The following LRP1B variants were observed in gnomAD, a reference collection of about 807,000 sequenced individuals.
LRP1B encodes the protein LDL receptor related protein 1B, also known as low-density lipoprotein receptor-related protein 1B.
LRP1B carries 217 observed loss-of-function variants against 556.6 expected under a neutral mutation model. That is an observed-to-expected ratio of 0.39 (90% CI 0.35 to 0.44). The LOEUF (loss-of-function observed/expected upper bound fraction) is 0.44, where lower values mean the gene tolerates loss of function less well. Ranked by LOEUF, LRP1B falls within the 20% of genes least tolerant of loss-of-function variation. The pLI is 1.00. For synonymous variants in LRP1B, 2,047 were observed against 1,865.8 expected (o/e 1.10, Z -2.50); for missense variants, 5,053 against 5,620.8 (o/e 0.90, Z 3.23).
intron 2 of LRP1B, among the ~76,000 whole-genome samples, chr2:141,727,145 GA>G (rs1693070495): frequency 6.6e-6 from 1 of 152,050 alleles, no homozygotes; most frequent in South Asian, 2.1e-4. Context: ...AAGAGATCTT[GA>G]GGGGAAAAAA....
chr2:140,864,374 A>T (rs1272165838), intron 27 of LRP1B, among the ~76,000 whole-genome samples: 1 of 152,122 alleles, frequency 6.6e-6, no homozygotes, highest in Non-Finnish European at 1.5e-5. Context: ...GTTAACTATG[A>T]ATGTAGAGGA....
chr2:142,001,632 T>C (rs1251270198), intron 1 of LRP1B, among the ~76,000 whole-genome samples: 1 of 152,198 alleles, frequency 6.6e-6, no homozygotes, highest in Non-Finnish European at 1.5e-5. Context: ...CAAAGTTCAT[T>C]GGAGACATAC....
At chr2:141,810,627 G>A (rs1696325242) in intron 1 of LRP1B, among the ~76,000 whole-genome samples, 1 of 151,998 alleles carries the variant, frequency 6.6e-6, no homozygotes, top group African/African-American at 2.4e-5. Flanking sequence ...CACACTATCT[G>A]TTCTGGAAAT....
chr2:141,058,788 A>C (rs1416117863), intron 9 of LRP1B, 95 bp downstream of exon 9: 4 of 983,968 alleles, frequency 4.1e-6, no homozygotes, highest in Non-Finnish European at 2.8e-6. Context: ...CAGAGAATTT[A>C]TGACTCACTC....
chr2:141,301,210 A>T (rs1686380160), intron 3 of LRP1B, among the ~76,000 whole-genome samples: 1 of 152,180 alleles, frequency 6.6e-6, no homozygotes, highest in Admixed American at 6.5e-5. Flanking sequence ...ACTTCCCAGA[A>T]ATTCTAACAT....
At chr2:141,356,035 T>C (rs1688616354) in intron 3 of LRP1B, among the ~76,000 whole-genome samples, 1 of 152,156 alleles carries the variant, frequency 6.6e-6, no homozygotes, top group African/African-American at 2.4e-5. Flanking sequence ...CCAACCTCTC[T>C]TATAGTAGAA....
intron 41 of LRP1B, among the ~76,000 whole-genome samples, chr2:140,612,158 A>G (rs1683094653): frequency 6.6e-6 from 1 of 152,148 alleles, no homozygotes; most frequent in Non-Finnish European, 1.5e-5. Flanking sequence ...ATACTAGAAG[A>G]AAAAGTCATT....
intron 43 of LRP1B, among the ~76,000 whole-genome samples, chr2:140,583,590 C>T (rs1286459613): frequency 6.6e-6 from 1 of 151,860 alleles, no homozygotes; most frequent in Non-Finnish European, 1.5e-5. Flanking sequence ...CATAATTATG[C>T]AATAATTAAG....
Position 140,356,460 on chromosome 2 carries a change from G to T in LRP1B, c.11412C>A (p.Thr3804=), listed in dbSNP as rs2105130491. ...QGCRIAPTEY[T]CEDNVNPCGD... ...CACATGGATTCACATTATCTTCACAGGTATATTCAGTAGGAGCTGGGATTT... is the reference window on the plus strand; with the variant it reads ...CACATGGATTCACATTATCTTCACATGTATATTCAGTAGGAGCTGGGATTT... The change falls in exon 75 of 91, where the codon ACC becomes ACA. Residue 3804 remains threonine (T), a synonymous_variant. Coordinates refer to ENST00000389484, the MANE Select transcript of LRP1B (RefSeq NM_018557.3). The T allele has an allele frequency of 1.2e-6, 2 of 1,603,680 alleles. No homozygotes were observed. Among genetic ancestry groups the T allele is most frequent in the Non-Finnish European group, 1.7e-6 (2 of 1,172,500 alleles).
At chr2:140,329,888 AAAAAC>A (rs1680705477) in intron 79 of LRP1B, among the ~76,000 whole-genome samples, 1 of 147,876 alleles carries the variant, frequency 6.8e-6, no homozygotes, top group African/African-American at 2.5e-5. Context: ...AATTAGAAAA[AAAAAC>A]AAAAACAAAA....
At chr2:140,867,957 C>T (rs1219878261) in intron 26 of LRP1B, 123 bp from the exon 27 acceptor site, 3 of 1,292,372 alleles carry the variant, frequency 2.3e-6, no homozygotes, top group East Asian at 5.1e-5. Flanking sequence ...GGGTCTGTAT[C>T]TGATTTGGGG....
At chr2:141,146,179 C>T (rs1197807448) in intron 7 of LRP1B, among the ~76,000 whole-genome samples, 1 of 152,086 alleles carries the variant, frequency 6.6e-6, no homozygotes. Context: ...CTCATCTCAG[C>T]TCCCAAAGTG....
At chr2:141,444,331 G>A (rs1681097255) in intron 3 of LRP1B, among the ~76,000 whole-genome samples, 3 of 152,116 alleles carry the variant, frequency 2.0e-5, no homozygotes, top group Non-Finnish European at 4.4e-5. Context: ...GAGATTTGGG[G>A]CTGAGACAAT....
intron 6 of LRP1B, among the ~76,000 whole-genome samples, chr2:141,211,598 C>G (rs1439025145): frequency 6.6e-6 from 1 of 152,074 alleles, no homozygotes; most frequent in Non-Finnish European, 1.5e-5. Flanking sequence ...GCCTGGGAGA[C>G]AGAGCGAGAC....
intron 41 of LRP1B, among the ~76,000 whole-genome samples, chr2:140,685,949 C>T (rs796669371): frequency 3.4e-4 from 52 of 152,098 alleles, no homozygotes; most frequent in African/African-American, 9.9e-4. Context: ...AAGTTCTGAA[C>T]GGTTTTAAAA....
intron 2 of LRP1B, among the ~76,000 whole-genome samples, chr2:141,717,365 A>G (rs1383847415): frequency 6.6e-6 from 1 of 152,194 alleles, no homozygotes; most frequent in Admixed American, 6.5e-5. Context: ...TATACTTGAA[A>G]ATATGTTTTT....
At chr2:141,750,658 G>A (rs1405534026) in intron 2 of LRP1B, among the ~76,000 whole-genome samples, 1 of 152,044 alleles carries the variant, frequency 6.6e-6, no homozygotes, top group Non-Finnish European at 1.5e-5. Flanking sequence ...AAAGCAATGG[G>A]TCTGTCAGAT....
intron 2 of LRP1B, among the ~76,000 whole-genome samples, chr2:141,660,798 C>T (rs544017382): frequency 6.6e-6 from 1 of 152,314 alleles, no homozygotes; most frequent in East Asian, 1.9e-4. Context: ...CCCTGCAGCG[C>T]AGTGCACACC....
chr2:141,668,418 C>T (rs1441730556), intron 2 of LRP1B, among the ~76,000 whole-genome samples: 1 of 152,102 alleles, frequency 6.6e-6, no homozygotes, highest in East Asian at 1.9e-4. Context: ...CCCCCCTATC[C>T]TATATCCATA....
Sources: gnomAD v4.1 joint callset for allele counts (sites outside exome capture counted in the v4.1 genomes callset) on GRCh38, gnomAD v4.1.1 for gene constraint, MANE v1.5 for transcripts, NCBI Gene and HGNC (gene_info 2026-07-23, HGNC 2026-07-21) for gene names.